Variants in NCEH1 observed in about 807,000 individuals in gnomAD.
NCEH1 encodes 2-acetyl MAGE hydrolase.
In NCEH1, 9 loss-of-function variants were observed where a neutral mutation model predicts 25.4. The observed-to-expected ratio is 0.35, with a 90% confidence interval of 0.21 to 0.62. The LOEUF (loss-of-function observed/expected upper bound fraction) is 0.62, where lower values mean the gene tolerates loss of function less well. Ranked by LOEUF, NCEH1 falls within the 20% of genes least tolerant of loss-of-function variation. The pLI is 0.72. For synonymous variants in NCEH1, 200 were observed against 199.8 expected (o/e 1.00, Z -0.01); for missense variants, 412 against 501.1 (o/e 0.82, Z 1.70).
rs1220715725 is a variant in NCEH1 at position 172,631,427 on chromosome 3, G to A, written c.*2048C>T. 6.6e-6 allele frequency: 1 copy of A among 152,220 alleles called. No individual in the cohort carries two copies. The highest frequency in any genetic ancestry group is 2.4e-5 in the African/African-American group (1 of 41,322). 9.4% of individuals were successfully genotyped at this position (152,220 alleles called of 1,614,324 possible). A position where few individuals can be genotyped will look rare whatever the true frequency, so the allele number is the denominator to read the frequency against. ...AAGACCTTCGATGATGCAGGTGTCT[G>A]TGTATAAGGAACTATGACCTACCAA... is the stretch of plus-strand genomic sequence containing the variant. On this transcript the variant is annotated 3_prime_UTR_variant, in exon 5 of 5. Coordinates refer to ENST00000475381, the MANE Select transcript of NCEH1 (RefSeq NM_020792.6).
In NCEH1 at chr3:172,703,434, G is replaced by A. The variant is rs903855835; in HGVS notation, c.138+7413C>T. On this transcript the variant is annotated intron_variant, in intron 1 of 4. Transcript: ENST00000475381. ...TCCCAGCTACTCGGGAGGCTGAGGCGGGAGAACTGCTTGAACCTGGGAGGC... is the reference window on the plus strand; with the variant it reads ...TCCCAGCTACTCGGGAGGCTGAGGCAGGAGAACTGCTTGAACCTGGGAGGC... 5.4e-5 allele frequency among the ~76,000 whole-genome samples: 8 copies of A among 149,364 alleles called. No individual in the cohort carries two copies. In the East Asian group the frequency reaches 5.9e-4, roughly 11 times the overall value.
At chr3:172,668,031 G>A (rs1718304479) in intron 1 of NCEH1, among the ~76,000 whole-genome samples, 2 of 152,256 alleles carry the variant, frequency 1.3e-5, no homozygotes, top group South Asian at 4.1e-4. Flanking sequence ...AGATGACTTA[G>A]GCCAATTTTC....
chr3:172,660,435 T>G (rs1171822830), intron 1 of NCEH1, among the ~76,000 whole-genome samples: 1 of 152,210 alleles, frequency 6.6e-6, no homozygotes, highest in Non-Finnish European at 1.5e-5. Context: ...ACAATAAACA[T>G]ACATGTGCAT....
chr3:172,634,138 T>C, intron 4 of NCEH1, 46 bp from the exon 5 acceptor site: 1 of 1,564,072 alleles, frequency 6.4e-7, no homozygotes, highest in Non-Finnish European at 8.7e-7. Context: ...GCATGCCTTC[T>C]TTTATAGGAA....
rs547351309 is a variant in NCEH1 at position 172,630,584 on chromosome 3, T to C, written c.*2891A>G. 4 of 152,160 alleles carry C rather than the reference T, an allele frequency of 2.6e-5. No individual in the cohort carries two copies. Among genetic ancestry groups the C allele is most frequent in the African/African-American group, 9.7e-5 (4 of 41,422 alleles). 9.4% of individuals were successfully genotyped at this position (152,160 alleles called of 1,614,324 possible). On this transcript the variant is annotated 3_prime_UTR_variant, in exon 5 of 5. Transcript: ENST00000475381. ...AAGAATTGTGGCTGGCAATTTGGCA[T>C]ACAGAAAGAAGAGAAGAGAACACTG...
At chr3:172,650,487 C>CA (rs34528918) in intron 1 of NCEH1, among the ~76,000 whole-genome samples, 57,294 of 145,930 alleles carry the variant, frequency 0.39, 11,049 homozygotes, top group East Asian at 0.47. Context: ...ACTAAAAATA[C>CA]AAAAAAAAAA....
intron 1 of NCEH1, among the ~76,000 whole-genome samples, chr3:172,710,237 G>A (rs1048316522): frequency 1.3e-5 from 2 of 152,228 alleles, no homozygotes; most frequent in Non-Finnish European, 2.9e-5. Flanking sequence ...AGCCAGCCCA[G>A]CCTCCCAGTC....
intron 1 of NCEH1, among the ~76,000 whole-genome samples, chr3:172,659,344 T>C (rs1417222811): frequency 2.0e-5 from 3 of 152,160 alleles, no homozygotes; most frequent in Admixed American, 2.0e-4. Flanking sequence ...GTTAAGTTAG[T>C]TTACTTGGGC....
chr3:172,653,496 A>G (rs1717511385), intron 1 of NCEH1, among the ~76,000 whole-genome samples: 1 of 152,148 alleles, frequency 6.6e-6, no homozygotes, highest in South Asian at 2.1e-4. Context: ...AAGGCTTGCA[A>G]ATGAATAGCT....
chr3:172,641,895 C>T (rs549519720), intron 3 of NCEH1, among the ~76,000 whole-genome samples: 110 of 152,276 alleles, frequency 7.2e-4, no homozygotes, highest in African/African-American at 2.4e-3. Flanking sequence ...ATCCTTTAAA[C>T]GAGGTAAGAT....
At chr3:172,706,010 CAAA>C (rs35383888) in intron 1 of NCEH1, among the ~76,000 whole-genome samples, 2,615 of 103,920 alleles carry the variant, frequency 0.025, 101 homozygotes, top group African/African-American at 0.091. Context: ...CAACAACAAC[CAAA>C]AAAAAAAAAA....
At chr3:172,663,224 T>C (rs1718047878) in intron 1 of NCEH1, among the ~76,000 whole-genome samples, 1 of 152,252 alleles carries the variant, frequency 6.6e-6, no homozygotes, top group African/African-American at 2.4e-5. Context: ...ATTTACCCAG[T>C]AGTAATTCAG....
Position 172,675,318 on chromosome 3 carries a change from T to TG in NCEH1, c.139-27205_139-27204insC, listed in dbSNP as rs1560197009. 3.2e-3 allele frequency among the ~76,000 whole-genome samples: 475 copies of TG among 149,946 alleles called. 5 individuals are homozygous for TG. The highest frequency in any genetic ancestry group is 0.012 in the African/African-American group (465 of 40,334). On this transcript the variant is annotated intron_variant, in intron 1 of 4. Transcript: ENST00000475381. Reference sequence around the variant, plus strand: ...ATCCTGTCTCAAATAAATAAATAAATAAATAAATAAATAAATAAATAAATG... The same window carrying TG: ...ATCCTGTCTCAAATAAATAAATAAATGAAATAAATAAATAAATAAATAAATG...
intron 4 of NCEH1, 142 bp downstream of exon 4, chr3:172,635,774 G>T: frequency 1.5e-6 from 1 of 674,850 alleles, no homozygotes; most frequent in South Asian, 2.0e-5. Flanking sequence ...AGCTCTACAA[G>T]TGTAATCACA....
intron 3 of NCEH1, among the ~76,000 whole-genome samples, chr3:172,643,618 T>C (rs146456739): frequency 3.1e-4 from 47 of 152,358 alleles, no homozygotes; most frequent in African/African-American, 1.1e-3. Flanking sequence ...TGTCTTATGA[T>C]AAGCCTTGCA....
intron 4 of NCEH1, among the ~76,000 whole-genome samples, chr3:172,634,740 A>G (rs925041216): frequency 2.0e-5 from 3 of 152,158 alleles, no homozygotes; most frequent in Admixed American, 2.0e-4. Flanking sequence ...ACATTGCCCC[A>G]TTTTGTAATT....
intron 1 of NCEH1, among the ~76,000 whole-genome samples, chr3:172,706,101 G>A (rs1447873451): frequency 6.6e-6 from 1 of 151,486 alleles, no homozygotes; most frequent in South Asian, 2.1e-4. Flanking sequence ...CACTACTGAG[G>A]TTAATGGGGG....
chr3:172,682,747 T>C (rs1404106060), intron 1 of NCEH1, among the ~76,000 whole-genome samples: 3 of 152,208 alleles, frequency 2.0e-5, no homozygotes, highest in Non-Finnish European at 4.4e-5. Context: ...AATGTGTAAG[T>C]ATGAAATCAT....
intron 1 of NCEH1, among the ~76,000 whole-genome samples, chr3:172,683,298 G>A (rs1205707700): frequency 8.6e-6 from 1 of 115,608 alleles, no homozygotes; most frequent in Non-Finnish European, 1.8e-5. Context: ...AGCTACTTGG[G>A]AGGCTGAGGC....
Sources: allele counts gnomAD v4.1 joint callset (sites outside exome capture counted in the v4.1 genomes callset), GRCh38; gene constraint gnomAD v4.1.1; transcripts MANE v1.5; gene names NCBI Gene and HGNC (gene_info 2026-07-23, HGNC 2026-07-21).